Variants in KAT6B observed in about 807,000 individuals in gnomAD.
KAT6B encodes histone acetyltransferase KAT6B.
Under a neutral mutation model 187.5 loss-of-function variants are expected in KAT6B, and 10 were observed. That is an observed-to-expected ratio of 0.05 (90% CI 0.03 to 0.09). KAT6B has a LOEUF of 0.09. Among genes scored for constraint, KAT6B ranks in the 10% least tolerant of loss-of-function variants. The probability of loss-of-function intolerance (pLI) is 1.00; values close to 1 mark genes in which losing one functional copy is unlikely to be tolerated. For missense variants in KAT6B, 1,952 were observed against 2,558.9 expected, an observed-to-expected ratio of 0.76 and a Z score of 5.12; for synonymous variants, 861 against 926.8, an observed-to-expected ratio of 0.93 and a Z score of 1.29.
At chr10:74,916,523 T>C (rs1032532205) in intron 3 of KAT6B, among the ~76,000 whole-genome samples, 1 of 152,250 alleles carries the variant, frequency 6.6e-6, no homozygotes, top group African/African-American at 2.4e-5. Context: ...CATATTCTTC[T>C]GTGTATCAAC....
At position 75,021,927 on chromosome 10, in the gene KAT6B, A is replaced by G; in HGVS notation, c.3068A>G (p.Gln1023Arg). The G allele has an allele frequency of 6.2e-7, 1 of 1,614,222 alleles. No homozygotes were observed. The highest frequency in any genetic ancestry group is 8.5e-7 in the Non-Finnish European group (1 of 1,180,040). Residue 1023 changes from glutamine (Q) to arginine (R), a missense_variant, in exon 16 of 18, where the codon CAA (glutamine) becomes CGA (arginine). Around this residue, in one of 9 missense-constraint regions of KAT6B, gnomAD observed 758 missense variants for 891.4 expected, o/e 0.85. Transcript: ENST00000287239. ...GCTAGCTGCTGGGAGAAGGAGGAACAAGAAATCCTGTCAACTAGAGCTAAC... is the reference window on the plus strand; with the variant it reads ...GCTAGCTGCTGGGAGAAGGAGGAACGAGAAATCCTGTCAACTAGAGCTAAC... ...EQASCWEKEE[Q>R]EILSTRANSR...
chr10:74,861,853 C>G (rs1276975421), intron 3 of KAT6B, among the ~76,000 whole-genome samples: 1 of 152,146 alleles, frequency 6.6e-6, no homozygotes, highest in Non-Finnish European at 1.5e-5. Context: ...GAAGGAAGTA[C>G]TCTACAAGAA....
intron 3 of KAT6B, among the ~76,000 whole-genome samples, chr10:74,903,422 G>T (rs1681894548): frequency 6.6e-6 from 1 of 152,196 alleles, no homozygotes; most frequent in Admixed American, 6.5e-5. Context: ...GTGATCTGAA[G>T]CATGAATAGG....
intron 13 of KAT6B, among the ~76,000 whole-genome samples, chr10:75,016,699 C>T (rs185587168): frequency 1.2e-3 from 182 of 152,320 alleles, no homozygotes; most frequent in African/African-American, 4.2e-3. Context: ...TGTTTTCCAT[C>T]TGAAACAGCC....
At chr10:74,930,575 CTTTTA>C (rs1338268556) in intron 3 of KAT6B, among the ~76,000 whole-genome samples, 4 of 152,018 alleles carry the variant, frequency 2.6e-5, no homozygotes, top group African/African-American at 9.7e-5. Context: ...CATTTTAGTT[CTTTTA>C]TTTGATGTGA....
At chr10:74,873,280 G>C (rs1189773711) in intron 3 of KAT6B, among the ~76,000 whole-genome samples, 1 of 149,406 alleles carries the variant, frequency 6.7e-6, no homozygotes, top group Non-Finnish European at 1.5e-5. Flanking sequence ...GGGCAACATA[G>C]AGAGATCCCA....
rs139898065 is a variant in KAT6B at position 75,025,040 on chromosome 10, C to T, written c.3455C>T (p.Thr1152Met). The T allele has an allele frequency of 3.8e-5, 61 of 1,613,984 alleles. No individual in the cohort carries two copies. Among genetic ancestry groups the T allele is most frequent in the Admixed American group, 2.3e-4 (14 of 59,994 alleles). The change falls in exon 17 of 18, where the codon ACG (threonine) becomes ATG (methionine). Residue 1152 changes from threonine (T) to methionine (M), a missense_variant. Coordinates refer to ENST00000287239, the MANE Select transcript of KAT6B (RefSeq NM_012330.4). ...SSVTTETISE[T>M]TEVLNEPFDN... ...GTAACAACAGAGACCATTTCAGAGA[C>T]GACAGAAGTACTGAATGAGCCCTTT... is the stretch of plus-strand genomic sequence containing the variant.
At chr10:74,971,434 G>A (rs1841839711) in intron 6 of KAT6B, among the ~76,000 whole-genome samples, 1 of 152,092 alleles carries the variant, frequency 6.6e-6, no homozygotes, top group Admixed American at 6.6e-5. Flanking sequence ...TTTGAAGTCA[G>A]ATGCATCATA....
intron 3 of KAT6B, among the ~76,000 whole-genome samples, chr10:74,871,185 CT>C (rs746074814): frequency 3.1e-3 from 236 of 76,746 alleles, no homozygotes; most frequent in East Asian, 0.024. Context: ...CAAGCCTGGC[CT>C]TTTTTTTTTT....
intron 3 of KAT6B, among the ~76,000 whole-genome samples, chr10:74,947,126 A>T (rs1840008632): frequency 6.6e-6 from 1 of 152,052 alleles, no homozygotes. Flanking sequence ...CCTCCCTAGT[A>T]GCTGGGATTA....
chr10:74,926,043 C>T lies in KAT6B; in HGVS notation c.622-33927C>T, dbSNP rs540029923. Among the ~76,000 whole-genome samples the T allele has an allele frequency of 2.6e-5, 4 of 152,318 alleles. No individual in the cohort carries two copies. In the South Asian group the frequency reaches 8.3e-4, roughly 32 times the overall value. On this transcript the variant is annotated intron_variant, in intron 3 of 17. Coordinates refer to ENST00000287239, the MANE Select transcript of KAT6B (RefSeq NM_012330.4). ...TGACTGTCCCCTACCTACATAAATGCATAGACCTCATATGTGTATTGTGAA... is the reference window on the plus strand; with the variant it reads ...TGACTGTCCCCTACCTACATAAATGTATAGACCTCATATGTGTATTGTGAA...
chr10:74,848,026 C>T (rs566041505), intron 3 of KAT6B, among the ~76,000 whole-genome samples: 14 of 151,188 alleles, frequency 9.3e-5, no homozygotes, highest in African/African-American at 2.9e-4. Flanking sequence ...TCAAGTGACT[C>T]TTCTGCCTCA....
At chr10:74,886,227 AG>A (rs1322668046) in intron 3 of KAT6B, among the ~76,000 whole-genome samples, 2 of 152,216 alleles carry the variant, frequency 1.3e-5, no homozygotes, top group African/African-American at 2.4e-5. Flanking sequence ...GTCTGAGAGA[AG>A]GTTGAGGTGG....
At chr10:74,999,512 C>T (rs1843684195) in intron 13 of KAT6B, among the ~76,000 whole-genome samples, 4 of 152,076 alleles carry the variant, frequency 2.6e-5, no homozygotes, top group Admixed American at 2.6e-4. Context: ...ATGAGGAGCT[C>T]GCCAAGGAAA....
At chr10:74,985,559 G>A (rs142990956) in intron 12 of KAT6B, among the ~76,000 whole-genome samples, 1 of 152,166 alleles carries the variant, frequency 6.6e-6, no homozygotes, top group South Asian at 2.1e-4. Context: ...CAACATGAAG[G>A]TTTCAGTTTA....
At chr10:74,836,476 G>T (rs144551716) in intron 1 of KAT6B, among the ~76,000 whole-genome samples, 158 of 152,266 alleles carry the variant, frequency 1.0e-3, no homozygotes, top group African/African-American at 3.3e-3. Context: ...CTACCACAGG[G>T]CTGCATGCAG....
intron 3 of KAT6B, among the ~76,000 whole-genome samples, chr10:74,858,455 A>G (rs1842956724): frequency 6.6e-6 from 1 of 151,656 alleles, no homozygotes; most frequent in Non-Finnish European, 1.5e-5. Flanking sequence ...ATTTTTGTAT[A>G]TTTGATAGGC....
At chr10:75,023,310 A>G (rs530110394) in intron 16 of KAT6B, among the ~76,000 whole-genome samples, 3 of 152,116 alleles carry the variant, frequency 2.0e-5, no homozygotes, top group Non-Finnish European at 4.4e-5. Flanking sequence ...TGCTGTTCTA[A>G]CTCCCAGCTC....
chr10:74,871,227 C>G (rs1314732854), intron 3 of KAT6B, among the ~76,000 whole-genome samples: 1 of 117,262 alleles, frequency 8.5e-6, no homozygotes, highest in Non-Finnish European at 1.7e-5. Flanking sequence ...GAGTCTTACT[C>G]TGTCACCCAG....
Sources: gnomAD v4.1 joint callset for allele counts (sites outside exome capture counted in the v4.1 genomes callset) on GRCh38, gnomAD v4.1.1 for gene constraint, gnomAD v4.1.1 regional missense constraint, MANE v1.5 for transcripts, NCBI Gene and HGNC (gene_info 2026-07-23, HGNC 2026-07-21) for gene names.